Variants in KCNN3 observed in about 807,000 individuals in gnomAD.
KCNN3 encodes the protein potassium calcium-activated channel subfamily N member 3, also known as small conductance calcium-activated potassium channel protein 3.
KCNN3 carries 16 observed loss-of-function variants against 62.9 expected under a neutral mutation model. The ratio of observed to expected loss-of-function variants is 0.25; its 90% CI spans 0.17 to 0.39. The LOEUF (loss-of-function observed/expected upper bound fraction) is 0.39. KCNN3 is among the 10% of genes least tolerant of loss of function. The pLI, the probability that KCNN3 is intolerant of heterozygous loss-of-function variation, is 1.00. For synonymous variants in KCNN3, 370 were observed against 389.2 expected, an observed-to-expected ratio of 0.95 and a Z score of 0.58; for missense variants, 599 against 949.4, an observed-to-expected ratio of 0.63 and a Z score of 4.85.
chr1:154,813,542 G>A (rs1650525542), intron 2 of KCNN3, among the ~76,000 whole-genome samples: 1 of 152,136 alleles, frequency 6.6e-6, no homozygotes, highest in Non-Finnish European at 1.5e-5. Flanking sequence ...CTCCTGCCAG[G>A]GTTCAAGGGC....
intron 4 of KCNN3, among the ~76,000 whole-genome samples, chr1:154,727,154 C>T (rs1185558465): frequency 2.6e-5 from 4 of 152,216 alleles, no homozygotes; most frequent in South Asian, 2.1e-4. Flanking sequence ...CGCCCTCTGC[C>T]TGCATGCTGT....
chr1:154,837,537 C>T (rs999621757), intron 1 of KCNN3, among the ~76,000 whole-genome samples: 16 of 152,056 alleles, frequency 1.1e-4, no homozygotes, highest in African/African-American at 3.6e-4. Flanking sequence ...AGCTCTGGGC[C>T]CGAGAGCACA....
In KCNN3 at chr1:154,706,869, A is replaced by C. The variant is rs536480248; in HGVS notation, c.*1107T>G. 48 of 152,242 alleles carry C rather than the reference A, an allele frequency of 3.2e-4. No individual in the cohort carries two copies. Among genetic ancestry groups the C allele is most frequent in the African/African-American group, 9.9e-4 (41 of 41,528 alleles). 9.4% of individuals were successfully genotyped at this position (152,242 alleles called of 1,614,324 possible). On this transcript the variant is annotated 3_prime_UTR_variant, in exon 8 of 8. Coordinates refer to ENST00000271915, the MANE Select transcript of KCNN3 (RefSeq NM_002249.6). Reference sequence around the variant, plus strand: ...CAAATCCCCAACCATATTTCTATTCACTAAGGTGTTATTGGATTGCTCCTG... The same window carrying C: ...CAAATCCCCAACCATATTTCTATTCCCTAAGGTGTTATTGGATTGCTCCTG...
chr1:154,739,985 C>T (rs1470873172), intron 3 of KCNN3, among the ~76,000 whole-genome samples: 1 of 152,254 alleles, frequency 6.6e-6, no homozygotes, highest in East Asian at 1.9e-4. Context: ...TCCTGACCCA[C>T]AGCAACCCTG....
intron 1 of KCNN3, among the ~76,000 whole-genome samples, chr1:154,836,589 C>T (rs939419859): frequency 1.3e-5 from 2 of 152,334 alleles, no homozygotes; most frequent in Middle Eastern, 3.4e-3. Flanking sequence ...CTGTCTGGAG[C>T]GTTTCTCTCA....
chr1:154,846,327 A>G (rs912689201), intron 1 of KCNN3, among the ~76,000 whole-genome samples: 42 of 152,076 alleles, frequency 2.8e-4, no homozygotes, highest in Admixed American at 1.1e-3. Flanking sequence ...CAATGGGCTT[A>G]TTCTCCAAAT....
chr1:154,722,918 G>A (rs1700387571), intron 5 of KCNN3, among the ~76,000 whole-genome samples: 1 of 151,794 alleles, frequency 6.6e-6, no homozygotes, highest in African/African-American at 2.4e-5. Context: ...TTTTAGTAGA[G>A]TCAGGGTTTC....
chr1:154,844,584 A>AC (rs1651970222), intron 1 of KCNN3, among the ~76,000 whole-genome samples: 1 of 151,836 alleles, frequency 6.6e-6, no homozygotes, highest in Non-Finnish European at 1.5e-5. Context: ...TAACAACAAA[A>AC]CCCCCACTCT....
In KCNN3 at chr1:154,700,287, G is replaced by A. The variant is rs1699826796; in HGVS notation, c.*7689C>T. Reference sequence around the variant, plus strand: ...GCCTGAGATTCTGCATTTCTAACAAGCTTACAGATGATGCTAACGCTGCTG... The same window carrying A: ...GCCTGAGATTCTGCATTTCTAACAAACTTACAGATGATGCTAACGCTGCTG... On this transcript the variant is annotated 3_prime_UTR_variant, in exon 8 of 8. Coordinates refer to ENST00000271915, the MANE Select transcript of KCNN3 (RefSeq NM_002249.6). 2 of 152,228 alleles carry A rather than the reference G, an allele frequency of 1.3e-5. No homozygotes were observed. The highest frequency in any genetic ancestry group is 4.1e-4 in the South Asian group (2 of 4,834). 9.4% of individuals were successfully genotyped at this position (152,228 alleles called of 1,614,324 possible). A position where few individuals can be genotyped will look rare whatever the true frequency, so the allele number is the denominator to read the frequency against.
At chr1:154,834,619 G>A (rs1043581458) in intron 1 of KCNN3, among the ~76,000 whole-genome samples, 1 of 152,162 alleles carries the variant, frequency 6.6e-6, no homozygotes, top group Non-Finnish European at 1.5e-5. Flanking sequence ...ACTCTCCACA[G>A]ATTCAAACTC....
rs145820776 is a variant in KCNN3, at chr1:154,712,329, G to C, written c.1899+1135C>G. Among the ~76,000 whole-genome samples, 9 of 152,126 alleles carry C rather than the reference G, an allele frequency of 5.9e-5. 1 individual carries two copies. Among genetic ancestry groups the C allele is most frequent in the African/African-American group, 2.2e-4 (9 of 41,500 alleles). ...AGGGAGTTCTCTCCTGCATGCCCACGTTCCACTCCCACCCCAGGCTCCTAG... is the reference window on the plus strand; with the variant it reads ...AGGGAGTTCTCTCCTGCATGCCCACCTTCCACTCCCACCCCAGGCTCCTAG... On this transcript the variant is annotated intron_variant, in intron 7 of 7. Coordinates refer to ENST00000271915, the MANE Select transcript of KCNN3 (RefSeq NM_002249.6).
Position 154,869,854 on chromosome 1 carries a change from T to TTGCTGC in KCNN3, c.105_110dup (p.Gln40_Gln41dup), listed in dbSNP as rs746772658. 1,316 of 1,583,794 alleles carry TTGCTGC rather than the reference T, an allele frequency of 8.3e-4. No individual in the cohort carries two copies. Among genetic ancestry groups the TTGCTGC allele is most frequent in the East Asian group, 2.0e-3 (85 of 43,460 alleles). ...CTGGCGGTGGTGGCTGCTGCTGCTG[T>TTGCTGC]TGCTGCTGCTGCTGCTGCTGCTGCT... On this transcript the variant is annotated inframe_insertion, in exon 1 of 8. Coordinates refer to ENST00000271915, the MANE Select transcript of KCNN3 (RefSeq NM_002249.6). This position sits in a 1 kb window ranked among gnomAD's most constrained non-coding sequence, Gnocchi z 6.1.
rs1553231996 is a variant in KCNN3 at position 154,766,416 on chromosome 1, T to TTTTTTATATATATATATATATATA, written c.1448+5558_1448+5559insTATATATATATATATATATAAAAA. Among the ~76,000 whole-genome samples, 2 of 71,812 alleles carry TTTTTTATATATATATATATATATA rather than the reference T, an allele frequency of 2.8e-5. 1 individual carries two copies. Among genetic ancestry groups the TTTTTTATATATATATATATATATA allele is most frequent in the South Asian group, 1.2e-3 (2 of 1,730 alleles). 47.1% of individuals were successfully genotyped at this position (71,812 alleles called of 152,430 possible). On this transcript the variant is annotated intron_variant, in intron 3 of 7. Transcript: ENST00000271915. The stretch of plus-strand genomic sequence containing the variant: ...CCATTTATTAAATACTAGCCAGGCT[T>TTTTTTATATATATATATATATATA]TATATATATATATATATATATATAT...
chr1:154,829,323 A>G (rs1416607711), intron 1 of KCNN3, among the ~76,000 whole-genome samples: 1 of 152,246 alleles, frequency 6.6e-6, no homozygotes, highest in South Asian at 2.1e-4. Flanking sequence ...AGCTCTCTCC[A>G]CGGCAGAGCT....
chr1:154,733,741 C>A (rs1363593586), intron 3 of KCNN3, among the ~76,000 whole-genome samples: 1 of 152,034 alleles, frequency 6.6e-6, no homozygotes, highest in Non-Finnish European at 1.5e-5. Context: ...CTTGTAGCTG[C>A]CCCGCCCTGG....
intron 3 of KCNN3, among the ~76,000 whole-genome samples, chr1:154,751,616 T>C (rs1049512050): frequency 6.6e-6 from 1 of 152,086 alleles, no homozygotes; most frequent in Non-Finnish European, 1.5e-5. Context: ...AAGGCTATTA[T>C]AAAAGAGTAA....
chr1:154,725,989 G>A lies in KCNN3; in HGVS notation c.1628C>T (p.Ala543Val), dbSNP rs758516858. Reference sequence around the variant, plus strand: ...CGCTTTGGTGAGTTCCAGCTTTCGGGCCACCACGGCCACCACAAGGGCAGT... The same window carrying A: ...CGCTTTGGTGAGTTCCAGCTTTCGGACCACCACGGCCACCACAAGGGCAGT... ...GCTALVVAVV[A>V]RKLELTKAEK... Residue 543 changes from alanine (A) to valine (V), a missense_variant, in exon 5 of 8, where the codon GCC becomes GTC. This residue lies in a region of KCNN3 where 288 missense variants were observed against 557.4 expected (regional missense o/e 0.52). Transcript: ENST00000271915. 1.2e-6 allele frequency: 2 copies of A among 1,613,946 alleles called. No individual in the cohort carries two copies.
At chr1:154,861,800 G>A (rs942341229) in intron 1 of KCNN3, among the ~76,000 whole-genome samples, 1 of 152,226 alleles carries the variant, frequency 6.6e-6, no homozygotes, top group Non-Finnish European at 1.5e-5. Flanking sequence ...GATGAAACAT[G>A]ATCTGGAATC....
At chr1:154,814,183 G>T (rs771975038) in intron 2 of KCNN3, among the ~76,000 whole-genome samples, 9 of 152,234 alleles carry the variant, frequency 5.9e-5, no homozygotes, top group Non-Finnish European at 1.3e-4. Context: ...TGGGCTTCAG[G>T]TCAGGCTCTC....
Sources: gnomAD v4.1 joint callset for allele counts (sites outside exome capture counted in the v4.1 genomes callset) on GRCh38, gnomAD v4.1.1 for gene constraint, gnomAD v4.1.1 regional missense constraint, Gnocchi (gnomAD v3.1) non-coding constraint, MANE v1.5 for transcripts, NCBI Gene and HGNC (gene_info 2026-07-23, HGNC 2026-07-21) for gene names.